The following SYNJ2BP variants were observed in gnomAD, a reference collection of about 807,000 sequenced individuals.
The protein encoded by SYNJ2BP is synaptojanin 2 binding protein.
In SYNJ2BP, 10 loss-of-function variants were observed where a neutral mutation model predicts 16.9. The ratio of observed to expected loss-of-function variants is 0.59; its 90% confidence interval spans 0.36 to 1.00. SYNJ2BP has a LOEUF of 1.00. Ranked by LOEUF, SYNJ2BP falls within the 50% of genes least tolerant of loss-of-function variation. SYNJ2BP has a pLI of 0.01. For synonymous variants in SYNJ2BP, 54 were observed against 68.4 expected (o/e 0.79, Z 1.04); for missense variants, 162 against 186.7 (o/e 0.87, Z 0.77).
intron 3 of SYNJ2BP, among the ~76,000 whole-genome samples, chr14:70,373,668 T>C (rs574484650): frequency 1.3e-5 from 2 of 152,248 alleles, no homozygotes; most frequent in South Asian, 4.1e-4. Flanking sequence ...CCTCCAAAGA[T>C]GGGGTTTTGC....
At chr14:70,411,792 T>C (rs1478379357) in intron 1 of SYNJ2BP, among the ~76,000 whole-genome samples, 1 of 152,216 alleles carries the variant, frequency 6.6e-6, no homozygotes, top group East Asian at 1.9e-4. Flanking sequence ...CATGCTCCTT[T>C]CCGCACTTCC....
intron 1 of SYNJ2BP, among the ~76,000 whole-genome samples, chr14:70,405,627 T>C (rs1208551969): frequency 1.3e-5 from 2 of 152,168 alleles, no homozygotes; most frequent in African/African-American, 2.4e-5. Context: ...GATCTGCTCT[T>C]TAATAGATTA....
At chr14:70,397,377 C>T (rs1888123533) in intron 1 of SYNJ2BP, among the ~76,000 whole-genome samples, 1 of 152,140 alleles carries the variant, frequency 6.6e-6, no homozygotes, top group Admixed American at 6.5e-5. Flanking sequence ...AATGAGGATA[C>T]TGAGGTCTAA....
chr14:70,383,638 C>T (rs2140825349), intron 2 of SYNJ2BP, among the ~76,000 whole-genome samples: 1 of 152,278 alleles, frequency 6.6e-6, no homozygotes, highest in Non-Finnish European at 1.5e-5. Context: ...GACTATTCTT[C>T]ACCTCCCTTC....
chr14:70,375,605 A>G, intron 3 of SYNJ2BP, 71 bp downstream of exon 3: 2 of 1,537,580 alleles, frequency 1.3e-6, no homozygotes, highest in Non-Finnish European at 1.8e-6. Flanking sequence ...TGAAGATTAC[A>G]CACATTGGGC....
At chr14:70,412,873 C>A (rs1014139399) in intron 1 of SYNJ2BP, among the ~76,000 whole-genome samples, 1 of 152,094 alleles carries the variant, frequency 6.6e-6, no homozygotes, top group African/African-American at 2.4e-5. Flanking sequence ...CAATCTCTTA[C>A]CTGTTGCAGT....
intron 2 of SYNJ2BP, 122 bp downstream of exon 2, chr14:70,388,348 A>T: frequency 2.3e-6 from 3 of 1,327,776 alleles, no homozygotes; most frequent in Non-Finnish European, 2.9e-6. Context: ...AGTTGTTCCC[A>T]TTCAACTCTA....
chr14:70,386,187 T>A (rs1354862686), intron 2 of SYNJ2BP, among the ~76,000 whole-genome samples: 2 of 152,204 alleles, frequency 1.3e-5, no homozygotes, highest in African/African-American at 4.8e-5. Context: ...ACACCTTTAT[T>A]TTAACAACCC....
intron 1 of SYNJ2BP, among the ~76,000 whole-genome samples, chr14:70,400,481 A>C (rs1888211450): frequency 6.6e-6 from 1 of 152,210 alleles, no homozygotes; most frequent in Non-Finnish European, 1.5e-5. Flanking sequence ...TGCCTTTAGA[A>C]ACCCTTGTGG....
chr14:70,390,396 C>T (rs900517608), intron 1 of SYNJ2BP, among the ~76,000 whole-genome samples: 22 of 151,846 alleles, frequency 1.4e-4, no homozygotes, highest in African/African-American at 4.4e-4. Context: ...GGGCCGGGCG[C>T]GGTGGCTCAC....
chr14:70,373,256 C>T lies in SYNJ2BP; in HGVS notation c.298-125G>A, dbSNP rs1487753179. The T allele has an allele frequency of 3.2e-6, 4 of 1,268,574 alleles. No individual in the cohort carries two copies. The Admixed American group carries it at 7.6e-5, about 24-fold the overall frequency. 78.6% of individuals were successfully genotyped at this position (1,268,574 alleles called of 1,614,324 possible). A position where few individuals can be genotyped will look rare whatever the true frequency, so the allele number is the denominator to read the frequency against. On this transcript the variant is annotated intron_variant, in intron 3 of 3. Transcript: ENST00000256366. ...CCCAAAACTGTAACCCCCAGCAATACCTAGCAGAAGGAGTCCTCTCTTTGT... is the reference window on the plus strand; with the variant it reads ...CCCAAAACTGTAACCCCCAGCAATATCTAGCAGAAGGAGTCCTCTCTTTGT...
intron 2 of SYNJ2BP, among the ~76,000 whole-genome samples, chr14:70,387,919 C>T (rs987418400): frequency 6.6e-6 from 1 of 151,180 alleles, no homozygotes; most frequent in Non-Finnish European, 1.5e-5. Context: ...AGTATGTCTT[C>T]GTAGAGACAT....
intron 1 of SYNJ2BP, among the ~76,000 whole-genome samples, chr14:70,396,189 G>A (rs1035469324): frequency 1.2e-4 from 19 of 152,060 alleles, no homozygotes; most frequent in African/African-American, 4.6e-4. Context: ...CGCGATCTCC[G>A]CTCACTGAAA....
chr14:70,412,877 T>C (rs1231250763), intron 1 of SYNJ2BP, among the ~76,000 whole-genome samples: 1 of 152,150 alleles, frequency 6.6e-6, no homozygotes, highest in African/African-American at 2.4e-5. Context: ...CTCTTACCTG[T>C]TGCAGTGCAA....
At chr14:70,385,834 A>C (rs1887848551) in intron 2 of SYNJ2BP, among the ~76,000 whole-genome samples, 1 of 152,222 alleles carries the variant, frequency 6.6e-6, no homozygotes, top group Non-Finnish European at 1.5e-5. Flanking sequence ...CTACAAATTC[A>C]GACAAACCAG....
Position 70,417,037 on chromosome 14 carries a change from G to GC in SYNJ2BP, c.-75dup. 6.2e-7 allele frequency: 1 copy of GC among 1,610,312 alleles called. No individual in the cohort carries two copies. The highest frequency in any genetic ancestry group is 1.7e-5 in the Admixed American group (1 of 59,732). ...CAGGTGAAGGTGAATCAATCTCGGC[G>GC]CTGCGCCCACAGCACAGCGGTTTCG... On this transcript the variant is annotated 5_prime_UTR_variant, in exon 1 of 4. Transcript: ENST00000256366.
intron 2 of SYNJ2BP, among the ~76,000 whole-genome samples, chr14:70,382,484 A>G (rs1887773486): frequency 6.6e-6 from 1 of 152,204 alleles, no homozygotes; most frequent in African/African-American, 2.4e-5. Context: ...CAGGCTCACC[A>G]CGGGATCTCA....
intron 3 of SYNJ2BP, among the ~76,000 whole-genome samples, chr14:70,374,936 T>G (rs1887592785): frequency 1.6e-5 from 1 of 62,980 alleles, no homozygotes; most frequent in African/African-American, 7.1e-5. Flanking sequence ...CTCTTAAAAT[T>G]TTTTATTTAT....
At chr14:70,381,205 G>A (rs191299828) in intron 2 of SYNJ2BP, among the ~76,000 whole-genome samples, 169 of 152,276 alleles carry the variant, frequency 1.1e-3, no homozygotes, top group Middle Eastern at 3.4e-3. Flanking sequence ...TCTGCTAACA[G>A]GGAAGAAAGA....
Sources: gnomAD v4.1 joint callset for allele counts (sites outside exome capture counted in the v4.1 genomes callset) on GRCh38, gnomAD v4.1.1 for gene constraint, MANE v1.5 for transcripts, NCBI Gene and HGNC (gene_info 2026-07-23, HGNC 2026-07-21) for gene names.